KDM4C: variants seen among roughly 807,000 people sequenced by gnomAD.
KDM4C encodes the protein lysine demethylase 4C.
A neutral mutation model predicts 129.3 loss-of-function variants in KDM4C; 81 were observed. The ratio of observed to expected loss-of-function variants is 0.63; its 90% CI spans 0.52 to 0.75. The LOEUF (loss-of-function observed/expected upper bound fraction) is 0.75. KDM4C is among the 30% of genes least tolerant of loss of function. The probability of loss-of-function intolerance (pLI) is 0.00; values close to 1 mark genes in which losing one functional copy is unlikely to be tolerated. For synonymous variants in KDM4C, 573 were observed against 456.1 expected (o/e 1.26, Z -3.26); for missense variants, 1,457 against 1,304.0 (o/e 1.12, Z -1.81).
chr9:7,141,204 C>T (rs1400045509), intron 19 of KDM4C, among the ~76,000 whole-genome samples: 2 of 152,164 alleles, frequency 1.3e-5, no homozygotes, highest in African/African-American at 2.4e-5. Flanking sequence ...GAAGAGAATA[C>T]AGTCATGGGT....
At chr9:6,804,194 A>T (rs114753667) in intron 2 of KDM4C, among the ~76,000 whole-genome samples, 1 of 152,216 alleles carries the variant, frequency 6.6e-6, no homozygotes. Context: ...TTTCACTCTT[A>T]GTAATTAAGT....
intron 19 of KDM4C, among the ~76,000 whole-genome samples, chr9:7,141,462 T>C (rs2129880478): frequency 6.6e-6 from 1 of 152,292 alleles, no homozygotes; most frequent in Admixed American, 6.5e-5. Flanking sequence ...GGAGAAATGA[T>C]GGTAATTTGG....
chr9:6,723,519 C>T (rs1817025666), intron 1 of KDM4C: 1 of 152,010 alleles, frequency 6.6e-6, no homozygotes, highest in Admixed American at 6.6e-5. Flanking sequence ...GACCTCTGTT[C>T]CTTTAAGGAA....
chr9:6,735,097 T>C, intron 1 of KDM4C: 1 of 409,412 alleles, frequency 2.4e-6, no homozygotes, highest in South Asian at 2.1e-5. Context: ...GCCTATGCAA[T>C]GACTGGGCAG....
rs980483135 is a variant in KDM4C, at chr9:7,093,563, A to T, written c.2425-10122A>T. ...TGGCATTGGATGGTCCGCATTTTTC[A>T]TTGTTCTTCATCTGGGTTTTTTTGT... is the stretch of plus-strand genomic sequence containing the variant. On this transcript the variant is annotated intron_variant, in intron 17 of 21. Coordinates refer to ENST00000381309, the MANE Select transcript of KDM4C (RefSeq NM_015061.6). 3.9e-5 allele frequency among the ~76,000 whole-genome samples: 6 copies of T among 152,130 alleles called. No homozygotes were observed. The East Asian group carries it at 1.2e-3, about 29-fold the overall frequency.
chr9:6,917,173 C>A (rs948876098), intron 8 of KDM4C, among the ~76,000 whole-genome samples: 5 of 152,084 alleles, frequency 3.3e-5, no homozygotes, highest in Admixed American at 2.6e-4. Context: ...AGGAAAATGG[C>A]TGTTGGGCAG....
chr9:7,036,020 A>G (rs116264010), intron 15 of KDM4C, among the ~76,000 whole-genome samples: 127 of 152,242 alleles, frequency 8.3e-4, no homozygotes, highest in African/African-American at 2.8e-3. Context: ...GTTTCTGTGA[A>G]GAGTGTCATT....
chr9:6,943,428 G>T (rs1459676515), intron 8 of KDM4C, among the ~76,000 whole-genome samples: 4 of 152,098 alleles, frequency 2.6e-5, no homozygotes, highest in African/African-American at 7.2e-5. Context: ...ACAAATAAGG[G>T]CCAGGTGTAG....
chr9:7,076,468 A>C, intron 17 of KDM4C: 1 of 1,550,916 alleles, frequency 6.4e-7, no homozygotes, highest in South Asian at 1.2e-5. Context: ...CAACAGTAAC[A>C]ACAACAACAA....
chr9:6,970,627 C>T (rs770646443), intron 8 of KDM4C, among the ~76,000 whole-genome samples: 7 of 152,058 alleles, frequency 4.6e-5, no homozygotes, highest in African/African-American at 7.2e-5. Flanking sequence ...AGTCTTGGGC[C>T]AGAGATTATA....
chr9:7,052,496 C>A (rs577507427), intron 17 of KDM4C, among the ~76,000 whole-genome samples: 33 of 152,336 alleles, frequency 2.2e-4, no homozygotes, highest in Non-Finnish European at 7.3e-5. Flanking sequence ...TGCCTTTCCA[C>A]GGTTTCTCCT....
At position 6,924,691 on chromosome 9, in the gene KDM4C, G is replaced by A. The variant is rs189714363; in HGVS notation, c.921+31459G>A. ...TACACTTGTGTTCTGCTGGGGTACC[G>A]ATGCATAATGTGTCATCCTGGGAAA... On this transcript the variant is annotated intron_variant, in intron 8 of 21. Coordinates refer to ENST00000381309, the MANE Select transcript of KDM4C (RefSeq NM_015061.6). 20 of 836,472 alleles carry A rather than the reference G, an allele frequency of 2.4e-5. No individual in the cohort carries two copies. The East Asian group carries it at 8.6e-4, about 36-fold the overall frequency. 51.8% of individuals were successfully genotyped at this position (836,472 alleles called of 1,614,324 possible).
chr9:6,895,265 G>A (rs1816215137), intron 8 of KDM4C, among the ~76,000 whole-genome samples: 1 of 152,188 alleles, frequency 6.6e-6, no homozygotes, highest in African/African-American at 2.4e-5. Flanking sequence ...ATGTCAAGAT[G>A]TTTGCAGGAT....
intron 6 of KDM4C, among the ~76,000 whole-genome samples, chr9:6,882,805 T>C (rs9299040): frequency 0.4 from 59,064 of 149,072 alleles, 12,581 homozygotes; most frequent in East Asian, 0.86. Context: ...TGTGTGTGTG[T>C]GCGCGTGTGC....
intron 17 of KDM4C, among the ~76,000 whole-genome samples, chr9:7,067,159 T>C (rs912114114): frequency 6.6e-6 from 1 of 152,242 alleles, no homozygotes; most frequent in Non-Finnish European, 1.5e-5. Flanking sequence ...GCAATCACCA[T>C]TTAATTTCAA....
intron 3 of KDM4C, among the ~76,000 whole-genome samples, chr9:6,808,710 A>G (rs1367552216): frequency 6.7e-6 from 1 of 149,264 alleles, no homozygotes; most frequent in Non-Finnish European, 1.5e-5. Context: ...AAAAAAAAAA[A>G]GAAGTGGCAC....
At chr9:7,000,105 A>T (rs921870114) in intron 12 of KDM4C, among the ~76,000 whole-genome samples, 1 of 152,216 alleles carries the variant, frequency 6.6e-6, no homozygotes, top group Non-Finnish European at 1.5e-5. Context: ...GCATTCAGAT[A>T]AAATGGATAT....
chr9:6,772,628 T>C (rs1822111963), intron 1 of KDM4C, among the ~76,000 whole-genome samples: 2 of 152,018 alleles, frequency 1.3e-5, no homozygotes, highest in Admixed American at 6.6e-5. Context: ...CCCAAAGTGC[T>C]GGGATTACAG....
In KDM4C at chr9:7,127,943, A is replaced by AT. The variant is rs112696565; in HGVS notation, c.2611-123_2611-122insT. 4,949 of 909,772 alleles carry AT rather than the reference A, an allele frequency of 5.4e-3. 134 individuals carry two copies. The African/African-American group carries it at 0.076, about 14-fold the overall frequency. The allele number at this position is 909,772 out of a possible 1,614,324, so 56.4% of individuals were successfully genotyped here. A position where few individuals can be genotyped will look rare whatever the true frequency, so the allele number is the denominator to read the frequency against. On this transcript the variant is annotated intron_variant, in intron 18 of 21. Coordinates refer to ENST00000381309, the MANE Select transcript of KDM4C (RefSeq NM_015061.6). The stretch of plus-strand genomic sequence containing the variant: ...AATTATTCTTCAATATTAAGTTAAA[A>AT]ATTTTTTTTTTAAATCTTGGCCAAA...
Sources: gnomAD v4.1 joint callset for allele counts (sites outside exome capture counted in the v4.1 genomes callset) on GRCh38, gnomAD v4.1.1 for gene constraint, MANE v1.5 for transcripts, NCBI Gene and HGNC (gene_info 2026-07-23, HGNC 2026-07-21) for gene names.